The following LRRIQ3 variants were observed in gnomAD, a reference collection of about 807,000 sequenced individuals.
LRRIQ3 encodes the protein leucine rich repeats and IQ motif containing 3, also known as leucine-rich repeat and IQ domain-containing protein 3.
A neutral mutation model predicts 59.3 loss-of-function variants in LRRIQ3; 75 were observed. The observed-to-expected ratio is 1.26, with a 90% CI of 1.05 to 1.53. The LOEUF is 1.53. Ranked by LOEUF, LRRIQ3 falls within the 40% of genes most tolerant of loss-of-function variation. The probability of loss-of-function intolerance (pLI) is 0.00; values close to 1 mark genes in which losing one functional copy is unlikely to be tolerated. For missense variants in LRRIQ3, 831 were observed against 710.0 expected (o/e 1.17, Z -1.94); for synonymous variants, 250 against 231.3 (o/e 1.08, Z -0.73).
intron 7 of LRRIQ3, among the ~76,000 whole-genome samples, chr1:74,038,926 T>C (rs758251530): frequency 7.2e-5 from 11 of 152,118 alleles, no homozygotes; most frequent in Non-Finnish European, 1.6e-4. Context: ...CTCCTCCAAA[T>C]GATCATAATG....
Position 74,198,146 on chromosome 1 carries a change from G to C in LRRIQ3, c.-151C>G. ...AGTTCTCCACATCATGGTTTTCCGG[G>C]CGCCAGCCAAGGCGCTCCGGGGGCG... On this transcript the variant is annotated 5_prime_UTR_variant, in exon 1 of 8. Transcript: ENST00000354431. The C allele has an allele frequency of 6.7e-7, 1 of 1,488,746 alleles. No homozygotes were observed. The highest frequency in any genetic ancestry group is 8.9e-7 in the Non-Finnish European group (1 of 1,121,924). The allele number at this position is 1,488,746 out of a possible 1,614,324, so 92.2% of individuals were successfully genotyped here. A position where few individuals can be genotyped will look rare whatever the true frequency, so the allele number is the denominator to read the frequency against.
At position 74,109,099 on chromosome 1, in the gene LRRIQ3, A is replaced by G. The variant is rs1029937191; in HGVS notation, c.867+295T>C. 2.0e-5 allele frequency: 4 copies of G among 195,750 alleles called. No homozygotes were observed. The East Asian group carries it at 4.4e-4, about 21-fold the overall frequency. 12.1% of individuals were successfully genotyped at this position (195,750 alleles called of 1,614,324 possible). ...AAACTAAATATTTATGTTTTCAATCACTGAGAAGTGGTTTTTACGTTATTA... is the reference window on the plus strand; with the variant it reads ...AAACTAAATATTTATGTTTTCAATCGCTGAGAAGTGGTTTTTACGTTATTA... On this transcript the variant is annotated intron_variant, in intron 5 of 7. Transcript: ENST00000354431.
intron 4 of LRRIQ3, among the ~76,000 whole-genome samples, chr1:74,113,704 G>A (rs1017959496): frequency 6.6e-5 from 10 of 151,910 alleles, no homozygotes; most frequent in Non-Finnish European, 2.9e-5. Flanking sequence ...AAAACTGAAG[G>A]TGAAATAACA....
intron 3 of LRRIQ3, among the ~76,000 whole-genome samples, chr1:74,156,324 T>C (rs1648326363): frequency 6.6e-6 from 1 of 152,124 alleles, no homozygotes; most frequent in Admixed American, 6.6e-5. Flanking sequence ...ATATACCCTA[T>C]AGAAACATGA....
At position 74,074,769 on chromosome 1, in the gene LRRIQ3, A is replaced by T. The variant is rs1360912223; in HGVS notation, c.889T>A (p.Leu297Ile). The T allele has an allele frequency of 7.2e-7, 1 of 1,390,934 alleles. No homozygotes were observed. 86.2% of individuals were successfully genotyped at this position (1,390,934 alleles called of 1,614,324 possible). ...WKHNIYYPVD[L>I]KNSSEHRKHV... ...TTTCTGTGTTCACTGGAATTTTTTA[A>T]ATCAACAGGATAATATATATTCTGT... Residue 297 changes from leucine (L) to isoleucine (I), a missense_variant, in exon 6 of 8, where the codon TTA becomes ATA. By Grantham distance (5) the Leu-to-Ile change is conservative. Transcript: ENST00000354431.
At chr1:74,028,144 C>G (rs113551555) in intron 7 of LRRIQ3, among the ~76,000 whole-genome samples, 15 of 152,110 alleles carry the variant, frequency 9.9e-5, no homozygotes, top group Admixed American at 3.3e-4. Flanking sequence ...ATCTAATTGT[C>G]TGGGTCTTAC....
chr1:74,118,142 C>T (rs1646802526), intron 4 of LRRIQ3, among the ~76,000 whole-genome samples: 1 of 151,986 alleles, frequency 6.6e-6, no homozygotes, highest in East Asian at 1.9e-4. Flanking sequence ...TAAAAATACA[C>T]TCACATGTAT....
At chr1:74,183,407 T>C (rs750992400) in intron 2 of LRRIQ3, 29 bp downstream of exon 2, 1 of 1,510,084 alleles carries the variant, frequency 6.6e-7, no homozygotes. Context: ...TTCGTTTATA[T>C]GCAAATATCT....
At chr1:74,140,959 T>G (rs1647229720) in intron 4 of LRRIQ3, among the ~76,000 whole-genome samples, 1 of 151,870 alleles carries the variant, frequency 6.6e-6, no homozygotes, top group African/African-American at 2.4e-5. Context: ...ATATAAGGTC[T>G]ATGAAGTCTT....
intron 3 of LRRIQ3, among the ~76,000 whole-genome samples, chr1:74,157,628 C>T (rs1049725838): frequency 3.9e-5 from 6 of 151,912 alleles, no homozygotes; most frequent in Admixed American, 2.6e-4. Flanking sequence ...TTAGAGTTAA[C>T]ATTGGACATT....
intron 4 of LRRIQ3, among the ~76,000 whole-genome samples, chr1:74,147,533 A>T (rs6673549): frequency 6.6e-6 from 1 of 152,014 alleles, no homozygotes; most frequent in Non-Finnish European, 1.5e-5. Flanking sequence ...ATCATTTCAG[A>T]AGAGCTTTCC....
At chr1:74,184,010 CAACA>C (rs1337292059) in intron 1 of LRRIQ3, among the ~76,000 whole-genome samples, 6 of 151,840 alleles carry the variant, frequency 4.0e-5, no homozygotes, top group Admixed American at 3.9e-4. Flanking sequence ...AGACAACTAA[CAACA>C]AACAAATGAA....
At chr1:74,045,625 A>G (rs1413905810) in intron 6 of LRRIQ3, among the ~76,000 whole-genome samples, 1 of 152,160 alleles carries the variant, frequency 6.6e-6, no homozygotes, top group Non-Finnish European at 1.5e-5. Context: ...ATCAGACAAG[A>G]GAAAGAAATA....
At chr1:74,095,007 T>C (rs1288782890) in intron 5 of LRRIQ3, 1 of 152,168 alleles carries the variant, frequency 6.6e-6, no homozygotes, top group African/African-American at 2.4e-5. Context: ...CTTGTAGCTA[T>C]GAGCCCAATT....
intron 6 of LRRIQ3, among the ~76,000 whole-genome samples, chr1:74,065,663 TA>T (rs1654845727): frequency 1.3e-5 from 2 of 152,150 alleles, no homozygotes; most frequent in Non-Finnish European, 2.9e-5. Context: ...TTATATTTGC[TA>T]AAAATTTTAT....
chr1:74,041,127 T>C, intron 7 of LRRIQ3, 86 bp downstream of exon 7: 1 of 1,074,848 alleles, frequency 9.3e-7, no homozygotes, highest in Non-Finnish European at 1.3e-6. Context: ...ACAAACAGCA[T>C]ACTAATTATT....
intron 4 of LRRIQ3, among the ~76,000 whole-genome samples, chr1:74,126,519 A>C (rs2100598864): frequency 6.6e-6 from 1 of 151,776 alleles, no homozygotes; most frequent in African/African-American, 2.4e-5. Context: ...TAGTGCTCTC[A>C]CTGTATTTTA....
At chr1:74,120,158 G>A (rs756296324) in intron 4 of LRRIQ3, among the ~76,000 whole-genome samples, 1 of 150,140 alleles carries the variant, frequency 6.7e-6, no homozygotes, top group Non-Finnish European at 1.5e-5. Context: ...CTGCTGTGTC[G>A]CCAAGCTGGA....
intron 6 of LRRIQ3, among the ~76,000 whole-genome samples, chr1:74,043,998 T>C (rs1394141612): frequency 6.6e-6 from 1 of 152,138 alleles, no homozygotes; most frequent in Non-Finnish European, 1.5e-5. Context: ...TTTCACGTCA[T>C]ATTTTCCTTA....
Sources: gnomAD v4.1 joint callset for allele counts (sites outside exome capture counted in the v4.1 genomes callset) on GRCh38, gnomAD v4.1.1 for gene constraint, MANE v1.5 for transcripts, NCBI Gene and HGNC (gene_info 2026-07-23, HGNC 2026-07-21) for gene names.